The following MND1 variants were observed in gnomAD, a reference collection of about 807,000 sequenced individuals.
The protein encoded by MND1 is meiotic nuclear division protein 1 homolog.
Under a neutral mutation model 35.1 loss-of-function variants are expected in MND1, and 28 were observed. The observed-to-expected ratio is 0.80, with a 90% CI of 0.59 to 1.09. The LOEUF is 1.09. Ranked by LOEUF, MND1 falls within the 50% of genes least tolerant of loss-of-function variation. MND1 has a pLI of 0.00. For synonymous variants in MND1, 69 were observed against 70.5 expected, an observed-to-expected ratio of 0.98 and a Z score of 0.11; for missense variants, 213 against 239.6, an observed-to-expected ratio of 0.89 and a Z score of 0.73.
chr4:153,414,868 G>T lies in MND1; in HGVS notation c.*11G>T. 1.7e-6 allele frequency: 2 copies of T among 1,174,910 alleles called. No homozygotes were observed. The highest frequency in any genetic ancestry group is 1.5e-5 in the South Asian group (1 of 65,430). The allele number at this position is 1,174,910 out of a possible 1,614,324, so 72.8% of individuals were successfully genotyped here. On this transcript the variant is annotated 3_prime_UTR_variant, in exon 8 of 8. Coordinates refer to ENST00000240488, the MANE Select transcript of MND1 (RefSeq NM_032117.4). ...GACTACATAGACTAAAATATTCCAT[G>T]GTGGTGAAGGATGTACAAGCTTGTG...
At chr4:153,404,202 AGGT>A (rs1171467361) in intron 6 of MND1, among the ~76,000 whole-genome samples, 16 of 56,104 alleles carry the variant, frequency 2.9e-4, no homozygotes, top group African/African-American at 1.3e-3. Flanking sequence ...TTTTTTTTTG[AGGT>A]GGAGTCTTGC....
At chr4:153,370,865 G>T (rs566431216) in intron 4 of MND1, among the ~76,000 whole-genome samples, 1 of 152,066 alleles carries the variant, frequency 6.6e-6, no homozygotes, top group East Asian at 1.9e-4. Context: ...TTCCCAGAAG[G>T]TTTTCAATTT....
At position 153,386,482 on chromosome 4, in the gene MND1, T is replaced by C. The variant is rs1236102152; in HGVS notation, c.277-7780T>C. Among the ~76,000 whole-genome samples, 3 of 151,950 alleles carry C rather than the reference T, an allele frequency of 2.0e-5. No homozygotes were observed. The East Asian group carries it at 5.8e-4, about 29-fold the overall frequency. ...TAGTGCATTCCAGCCTGAGCAACAG[T>C]GGGAGACTGTGGATCATGAGGTCAG... On this transcript the variant is annotated intron_variant, in intron 4 of 7. Transcript: ENST00000240488.
At chr4:153,392,640 A>G (rs1171398667) in intron 4 of MND1, among the ~76,000 whole-genome samples, 1 of 152,166 alleles carries the variant, frequency 6.6e-6, no homozygotes, top group Non-Finnish European at 1.5e-5. Context: ...GGTGAGATTA[A>G]TAAAATTGAG....
chr4:153,404,368 T>C (rs1261870857), intron 6 of MND1, among the ~76,000 whole-genome samples: 1 of 149,266 alleles, frequency 6.7e-6, no homozygotes, highest in African/African-American at 2.5e-5. Flanking sequence ...TTTTTCTGTA[T>C]TTTTAGTAGA....
chr4:153,412,567 C>A (rs560986114), intron 7 of MND1, among the ~76,000 whole-genome samples: 1 of 151,572 alleles, frequency 6.6e-6, no homozygotes, highest in African/African-American at 2.4e-5. Context: ...ATCGCAACCT[C>A]CACCTCCCTG....
intron 7 of MND1, among the ~76,000 whole-genome samples, chr4:153,410,170 A>G (rs541572777): frequency 8.5e-5 from 13 of 152,304 alleles, no homozygotes; most frequent in African/African-American, 2.9e-4. Flanking sequence ...CTTCAGCACC[A>G]TGTTGGACAC....
At chr4:153,394,451 C>G (rs1442414763) in intron 5 of MND1, 115 bp downstream of exon 5, 2 of 728,914 alleles carry the variant, frequency 2.7e-6, no homozygotes, top group East Asian at 6.5e-5. Context: ...GGGATCATAG[C>G]CAAGGATAGG....
chr4:153,367,910 G>T (rs1189024344), intron 4 of MND1, among the ~76,000 whole-genome samples: 2 of 152,064 alleles, frequency 1.3e-5, no homozygotes, highest in African/African-American at 2.4e-5. Flanking sequence ...TGTGGTTTTG[G>T]CTTCCATTTC....
At chr4:153,362,053 A>G (rs1773509487) in intron 4 of MND1, among the ~76,000 whole-genome samples, 1 of 152,110 alleles carries the variant, frequency 6.6e-6, no homozygotes, top group Non-Finnish European at 1.5e-5. Flanking sequence ...TTCCATAACT[A>G]TTTCTAATCT....
intron 6 of MND1, among the ~76,000 whole-genome samples, chr4:153,401,110 T>G (rs560014417): frequency 5.3e-4 from 80 of 152,134 alleles, no homozygotes; most frequent in African/African-American, 1.9e-3. Flanking sequence ...ATTTAAAAAA[T>G]ATGAAAATGG....
intron 4 of MND1, among the ~76,000 whole-genome samples, chr4:153,392,237 G>A (rs1278941697): frequency 6.6e-6 from 1 of 151,866 alleles, no homozygotes. Flanking sequence ...AAGTAGCTGG[G>A]ACTACAAGCG....
intron 1 of MND1, among the ~76,000 whole-genome samples, chr4:153,347,910 G>A (rs1773112633): frequency 2.0e-5 from 3 of 152,166 alleles, no homozygotes; most frequent in Admixed American, 1.3e-4. Flanking sequence ...TAAAAGGTAG[G>A]TTGGGGTTAG....
intron 4 of MND1, among the ~76,000 whole-genome samples, chr4:153,393,924 C>CTTTTATTTTTTTTTTTT (rs1729122198): frequency 1.8e-5 from 1 of 56,464 alleles, no homozygotes; most frequent in Non-Finnish European, 3.1e-5. Flanking sequence ...ACTTTGTTTT[C>CTTTTATTTTTTTTTTTT]TTTTTTTTTT....
chr4:153,409,882 CA>C (rs1729633095), intron 7 of MND1, among the ~76,000 whole-genome samples: 1 of 151,968 alleles, frequency 6.6e-6, no homozygotes, highest in South Asian at 2.1e-4. Context: ...AAGTGTCCCA[CA>C]AAGTATAAAT....
Position 153,351,638 on chromosome 4 carries a change from G to A in MND1, c.69+1509G>A, listed in dbSNP as rs76704734. The stretch of plus-strand genomic sequence containing the variant: ...AGCAAATCGCCAATAATGGTGCAAA[G>A]TGAAAAGCATGGATTCTGGAATTCA... On this transcript the variant is annotated intron_variant, in intron 2 of 7. Transcript: ENST00000240488. Among the ~76,000 whole-genome samples the A allele has an allele frequency of 1.4e-4, 22 of 152,276 alleles. No individual in the cohort carries two copies. The East Asian group carries it at 2.5e-3, about 17-fold the overall frequency.
At chr4:153,367,861 G>T (rs1399754641) in intron 4 of MND1, among the ~76,000 whole-genome samples, 1 of 152,120 alleles carries the variant, frequency 6.6e-6, no homozygotes, top group Non-Finnish European at 1.5e-5. Context: ...TTGAATTTTT[G>T]ATTCTAGCCA....
intron 4 of MND1, among the ~76,000 whole-genome samples, chr4:153,375,059 G>A (rs555146562): frequency 4.7e-4 from 72 of 152,302 alleles, no homozygotes; most frequent in African/African-American, 1.5e-3. Context: ...ATTTAACTGT[G>A]TAATGTTTAA....
intron 3 of MND1, among the ~76,000 whole-genome samples, chr4:153,357,697 A>G (rs1213678581): frequency 6.6e-6 from 1 of 152,198 alleles, no homozygotes; most frequent in Non-Finnish European, 1.5e-5. Flanking sequence ...TCCCCAGACA[A>G]ATTGTAGGTA....
Sources: gnomAD v4.1 joint callset for allele counts (sites outside exome capture counted in the v4.1 genomes callset) on GRCh38, gnomAD v4.1.1 for gene constraint, MANE v1.5 for transcripts, NCBI Gene and HGNC (gene_info 2026-07-23, HGNC 2026-07-21) for gene names.